PRKCB: variants seen among roughly 807,000 people sequenced by gnomAD.
PRKCB encodes protein kinase C beta, also known as protein kinase C beta type.
A neutral mutation model predicts 81.5 loss-of-function variants in PRKCB; 13 were observed. The observed-to-expected ratio is 0.16, with a 90% CI of 0.10 to 0.25. The LOEUF (loss-of-function observed/expected upper bound fraction) is 0.25, where lower values mean the gene tolerates loss of function less well. PRKCB is among the 10% of genes least tolerant of loss of function. The pLI is 1.00. For synonymous variants in PRKCB, 335 were observed against 321.4 expected, an observed-to-expected ratio of 1.04 and a Z score of -0.45; for missense variants, 509 against 875.7, an observed-to-expected ratio of 0.58 and a Z score of 5.29.
chr16:24,120,390 C>T (rs1966786473), intron 8 of PRKCB, among the ~76,000 whole-genome samples: 1 of 152,124 alleles, frequency 6.6e-6, no homozygotes, highest in African/African-American at 2.4e-5. Context: ...GCTTTGTTAG[C>T]CATGGTTCCT....
At chr16:24,159,259 G>A (rs891041104) in intron 10 of PRKCB, among the ~76,000 whole-genome samples, 3 of 152,216 alleles carry the variant, frequency 2.0e-5, no homozygotes, top group Non-Finnish European at 4.4e-5. Context: ...CCATTTTGCA[G>A]GTGAAAGGAT....
intron 9 of PRKCB, among the ~76,000 whole-genome samples, chr16:24,132,320 A>G (rs1457207049): frequency 6.6e-6 from 1 of 152,210 alleles, no homozygotes; most frequent in African/African-American, 2.4e-5. Context: ...ATAAGATTGG[A>G]ATCCATACAT....
At chr16:23,950,885 T>C (rs1053266188) in intron 2 of PRKCB, among the ~76,000 whole-genome samples, 3 of 152,076 alleles carry the variant, frequency 2.0e-5, no homozygotes, top group Admixed American at 2.0e-4. Flanking sequence ...TGTGAAGGAG[T>C]GGAATGCCTG....
intron 5 of PRKCB, among the ~76,000 whole-genome samples, chr16:24,064,073 G>A (rs548186229): frequency 7.9e-5 from 12 of 152,016 alleles, no homozygotes; most frequent in Non-Finnish European, 1.6e-4. Context: ...TCTCAGCCAG[G>A]AGAAAGGTAG....
intron 2 of PRKCB, among the ~76,000 whole-genome samples, chr16:23,891,296 T>C (rs1206277003): frequency 6.6e-6 from 1 of 152,084 alleles, no homozygotes; most frequent in Admixed American, 6.6e-5. Context: ...CAAGCAATCC[T>C]CCTGTCTCAG....
chr16:23,852,107 A>ATTTC (rs1355281109), intron 2 of PRKCB, among the ~76,000 whole-genome samples: 2 of 152,054 alleles, frequency 1.3e-5, no homozygotes, highest in Non-Finnish European at 2.9e-5. Context: ...GATGCCTTTT[A>ATTTC]TTTCTTTCTC....
intron 9 of PRKCB, among the ~76,000 whole-genome samples, chr16:24,145,790 G>A (rs1966979699): frequency 6.6e-6 from 1 of 152,340 alleles, no homozygotes. Flanking sequence ...GGAGGTTGGT[G>A]CTTTGTACAA....
chr16:24,219,478 G>C lies in PRKCB; in HGVS notation c.*4662G>C, dbSNP rs1411731097. Reference sequence around the variant, plus strand: ...TCCACATGGCCATTCTGCCTTCTTGGGGGCAGAGTAGATGGGCAGCAGTTC... The same window carrying C: ...TCCACATGGCCATTCTGCCTTCTTGCGGGCAGAGTAGATGGGCAGCAGTTC... On this transcript the variant is annotated 3_prime_UTR_variant, in exon 17 of 17. Transcript: ENST00000643927. 4 of 986,402 alleles carry C rather than the reference G, an allele frequency of 4.1e-6. No individual in the cohort carries two copies. The highest frequency in any genetic ancestry group is 3.5e-5 in the African/African-American group (2 of 57,156). 61.1% of individuals were successfully genotyped at this position (986,402 alleles called of 1,614,324 possible).
chr16:24,084,791 T>C (rs573231021), intron 5 of PRKCB, among the ~76,000 whole-genome samples: 1 of 152,218 alleles, frequency 6.6e-6, no homozygotes, highest in African/African-American at 2.4e-5. Context: ...CCTCAAGAAT[T>C]GAAATCTTGA....
At position 24,216,073 on chromosome 16, in the gene PRKCB, G is replaced by A; in HGVS notation, c.*1257G>A. ...AAACGTGGACCTAAACTACAAAGTG[G>A]GAACTGAGGAGGGAACTCAGGAGAA... On this transcript the variant is annotated 3_prime_UTR_variant, in exon 17 of 17. Coordinates refer to ENST00000643927, the MANE Select transcript of PRKCB (RefSeq NM_002738.7). The A allele has an allele frequency of 2.0e-6, 2 of 985,336 alleles. No homozygotes were observed. Among genetic ancestry groups the A allele is most frequent in the Non-Finnish European group, 2.4e-6 (2 of 829,892 alleles). The allele number at this position is 985,336 out of a possible 1,614,324, so 61.0% of individuals were successfully genotyped here. A position where few individuals can be genotyped will look rare whatever the true frequency, so the allele number is the denominator to read the frequency against.
intron 5 of PRKCB, among the ~76,000 whole-genome samples, chr16:24,048,476 C>CTTTCT (rs1231685997): frequency 1.3e-5 from 2 of 149,192 alleles, no homozygotes; most frequent in African/African-American, 4.9e-5. Context: ...ACTTTTACTT[C>CTTTCT]TTTCTTTTCT....
At chr16:24,118,522 G>T (rs995218531) in intron 8 of PRKCB, among the ~76,000 whole-genome samples, 1 of 152,192 alleles carries the variant, frequency 6.6e-6, no homozygotes, top group African/African-American at 2.4e-5. Flanking sequence ...GTAGTTCCTT[G>T]TAGGGGTGGA....
intron 16 of PRKCB, among the ~76,000 whole-genome samples, chr16:24,212,738 A>C (rs1418156297): frequency 6.6e-6 from 1 of 151,980 alleles, no homozygotes; most frequent in Admixed American, 6.6e-5. Flanking sequence ...AAGTGCTGGG[A>C]TTACAGGTGT....
intron 2 of PRKCB, chr16:23,893,734 C>G (rs1253646512): frequency 6.6e-6 from 1 of 152,154 alleles, no homozygotes; most frequent in African/African-American, 2.4e-5. Flanking sequence ...TTTTACTGTA[C>G]CAAATCTTTT....
At chr16:24,180,410 A>C (rs1168365663) in intron 12 of PRKCB, among the ~76,000 whole-genome samples, 3 of 152,204 alleles carry the variant, frequency 2.0e-5, no homozygotes, top group Non-Finnish European at 1.5e-5. Context: ...TGAAAAATGT[A>C]TCTTCTTACA....
At chr16:23,967,041 T>G (rs1004416292) in intron 2 of PRKCB, among the ~76,000 whole-genome samples, 1 of 150,668 alleles carries the variant, frequency 6.6e-6, no homozygotes, top group South Asian at 2.1e-4. Flanking sequence ...GCACAGTACA[T>G]GCTGTGAACC....
intron 2 of PRKCB, among the ~76,000 whole-genome samples, chr16:23,854,226 C>T (rs760809446): frequency 8.6e-5 from 13 of 152,030 alleles, no homozygotes; most frequent in East Asian, 7.8e-4. Flanking sequence ...TCTTTGAGGC[C>T]GGGTTAGTTC....
intron 2 of PRKCB, among the ~76,000 whole-genome samples, chr16:23,854,935 C>T (rs1033401209): frequency 1.1e-4 from 17 of 152,078 alleles, no homozygotes; most frequent in Non-Finnish European, 1.5e-5. Context: ...TACCTACCTC[C>T]TAGGGAAATG....
chr16:23,965,032 G>T (rs1288344358), intron 2 of PRKCB, among the ~76,000 whole-genome samples: 1 of 152,108 alleles, frequency 6.6e-6, no homozygotes, highest in Non-Finnish European at 1.5e-5. Context: ...AGGTTCAGGG[G>T]GTACATGTAC....
Sources: gnomAD v4.1 joint callset for allele counts (sites outside exome capture counted in the v4.1 genomes callset) on GRCh38, gnomAD v4.1.1 for gene constraint, MANE v1.5 for transcripts, NCBI Gene and HGNC (gene_info 2026-07-23, HGNC 2026-07-21) for gene names.